Variants in DCC observed in about 807,000 individuals in gnomAD.
The protein encoded by DCC is netrin receptor DCC.
DCC carries 58 observed loss-of-function variants against 172.5 expected under a neutral mutation model. The ratio of observed to expected loss-of-function variants is 0.34; its 90% CI spans 0.27 to 0.42. DCC has a LOEUF of 0.42. Among genes scored for constraint, DCC ranks in the 10% least tolerant of loss-of-function variants. The pLI is 1.00. For missense variants in DCC, 1,740 were observed against 1,791.0 expected (o/e 0.97, Z 0.51); for synonymous variants, 709 against 644.5 (o/e 1.10, Z -1.52).
At chr18:52,684,290 T>C (rs2035794316) in intron 1 of DCC, among the ~76,000 whole-genome samples, 1 of 152,046 alleles carries the variant, frequency 6.6e-6, no homozygotes, top group Non-Finnish European at 1.5e-5. Context: ...GGTTAGCGAG[T>C]TTGATGGAAT....
chr18:52,715,596 C>T (rs553232791), intron 1 of DCC, among the ~76,000 whole-genome samples: 65 of 152,236 alleles, frequency 4.3e-4, no homozygotes, highest in African/African-American at 1.4e-3. Context: ...TGTGCCACCA[C>T]GCCCGGCCAG....
At chr18:52,615,001 T>C (rs2034352992) in intron 1 of DCC, among the ~76,000 whole-genome samples, 1 of 152,178 alleles carries the variant, frequency 6.6e-6, no homozygotes, top group Admixed American at 6.5e-5. Flanking sequence ...AAGGGAAATA[T>C]ATATATTTTT....
intron 7 of DCC, among the ~76,000 whole-genome samples, chr18:53,128,421 A>T (rs1440824632): frequency 6.6e-6 from 1 of 152,070 alleles, no homozygotes; most frequent in East Asian, 1.9e-4. Flanking sequence ...TAATGCTGAG[A>T]GATTTTACTC....
intron 2 of DCC, among the ~76,000 whole-genome samples, chr18:52,844,939 G>A (rs1396954241): frequency 6.6e-6 from 1 of 152,212 alleles, no homozygotes; most frequent in Non-Finnish European, 1.5e-5. Flanking sequence ...ACAACTATGG[G>A]AAATATTCTT....
intron 2 of DCC, among the ~76,000 whole-genome samples, chr18:52,858,810 A>T (rs903604790): frequency 6.6e-6 from 1 of 152,168 alleles, no homozygotes; most frequent in African/African-American, 2.4e-5. Flanking sequence ...AGAGTGGGTC[A>T]TTTGTGTGCA....
intron 12 of DCC, among the ~76,000 whole-genome samples, chr18:53,222,300 C>G (rs1263853287): frequency 6.6e-6 from 1 of 151,918 alleles, no homozygotes; most frequent in East Asian, 1.9e-4. Flanking sequence ...TTGTATTACA[C>G]TATCACTCAT....
intron 1 of DCC, among the ~76,000 whole-genome samples, chr18:52,628,102 C>G (rs772859634): frequency 2.0e-5 from 3 of 152,198 alleles, no homozygotes; most frequent in African/African-American, 4.8e-5. Context: ...TCTATTTCCA[C>G]ATTTGAGATG....
At chr18:53,378,288 A>T (rs1335391359) in intron 15 of DCC, among the ~76,000 whole-genome samples, 2 of 152,122 alleles carry the variant, frequency 1.3e-5, no homozygotes, top group African/African-American at 2.4e-5. Context: ...CAATTTTTTT[A>T]TTAAAAGGTT....
rs370741308 is a variant in DCC at position 53,219,380 on chromosome 18, C to T, written c.1911+3783C>T. ...GAAAACACAAATCAATTTCAGTATA[C>T]CAGTCAACTCACTAGTTCAGATATA... On this transcript the variant is annotated intron_variant, in intron 12 of 28. Transcript: ENST00000442544. 7.2e-5 allele frequency among the ~76,000 whole-genome samples: 11 copies of T among 152,176 alleles called. No individual in the cohort carries two copies. The East Asian group carries it at 1.5e-3, about 21-fold the overall frequency.
intron 2 of DCC, among the ~76,000 whole-genome samples, chr18:52,851,005 G>GA (rs1326754734): frequency 1.3e-5 from 2 of 151,694 alleles, no homozygotes; most frequent in Non-Finnish European, 2.9e-5. Context: ...TTCTATTAAT[G>GA]AACAATTAAA....
intron 1 of DCC, among the ~76,000 whole-genome samples, chr18:52,747,998 G>A (rs1302633765): frequency 6.6e-6 from 1 of 152,190 alleles, no homozygotes; most frequent in Non-Finnish European, 1.5e-5. Flanking sequence ...CCGCTGAGCT[G>A]GTTCTGCCCA....
At chr18:52,405,870 C>A in intron 1 of DCC, among the ~76,000 whole-genome samples, 1 of 151,814 alleles carries the variant, frequency 6.6e-6, no homozygotes, top group Non-Finnish European at 1.5e-5. Flanking sequence ...CGAAGTCAAT[C>A]CTAAGCCAAA....
At chr18:52,867,133 T>G (rs1007837791) in intron 2 of DCC, among the ~76,000 whole-genome samples, 2 of 152,232 alleles carry the variant, frequency 1.3e-5, no homozygotes, top group African/African-American at 2.4e-5. Context: ...TCTATTGAGA[T>G]AATCATGTGG....
At chr18:53,180,228 A>G (rs2055173701) in intron 9 of DCC, among the ~76,000 whole-genome samples, 1 of 152,218 alleles carries the variant, frequency 6.6e-6, no homozygotes, top group Non-Finnish European at 1.5e-5. Context: ...TCATTTGGCC[A>G]GGGCTACAGA....
intron 14 of DCC, among the ~76,000 whole-genome samples, chr18:53,336,982 C>A (rs1383017981): frequency 6.6e-6 from 1 of 152,122 alleles, no homozygotes; most frequent in African/African-American, 2.4e-5. Flanking sequence ...TGAGGCTTGC[C>A]TCTAGGATTG....
intron 1 of DCC, among the ~76,000 whole-genome samples, chr18:52,729,984 A>T (rs1270691780): frequency 2.0e-5 from 3 of 152,224 alleles, no homozygotes; most frequent in Non-Finnish European, 4.4e-5. Flanking sequence ...TCATTGTTTT[A>T]TAAATGTCTT....
chr18:53,029,032 AT>A (rs2041993510), intron 5 of DCC, among the ~76,000 whole-genome samples: 1 of 149,482 alleles, frequency 6.7e-6, no homozygotes, highest in Non-Finnish European at 1.5e-5. Flanking sequence ...TGAACTAAAA[AT>A]TACCAAAATG....
intron 2 of DCC, among the ~76,000 whole-genome samples, chr18:52,801,869 C>T (rs1027516671): frequency 1.3e-5 from 2 of 152,110 alleles, no homozygotes; most frequent in Admixed American, 1.3e-4. Flanking sequence ...ATGCAATATG[C>T]CTGCTTTTTT....
At chr18:52,426,566 G>A (rs1987434715) in intron 1 of DCC, among the ~76,000 whole-genome samples, 1 of 151,762 alleles carries the variant, frequency 6.6e-6, no homozygotes, top group African/African-American at 2.4e-5. Flanking sequence ...AATCACCCCA[G>A]CAACCACCGA....
Sources: allele counts gnomAD v4.1 joint callset (sites outside exome capture counted in the v4.1 genomes callset), GRCh38; gene constraint gnomAD v4.1.1; transcripts MANE v1.5; gene names NCBI Gene and HGNC (gene_info 2026-07-23, HGNC 2026-07-21).